Variants in HSCB observed in about 807,000 individuals in gnomAD.
The protein encoded by HSCB is iron-sulfur cluster co-chaperone protein HscB.
In HSCB, 23 loss-of-function variants were observed where a neutral mutation model predicts 31.3. The ratio of observed to expected loss-of-function variants is 0.74; its 90% CI spans 0.53 to 1.04. The LOEUF (loss-of-function observed/expected upper bound fraction) is 1.04, where lower values mean the gene tolerates loss of function less well. Ranked by LOEUF, HSCB falls within the 50% of genes least tolerant of loss-of-function variation. The probability of loss-of-function intolerance (pLI) is 0.00; values close to 1 mark genes in which losing one functional copy is unlikely to be tolerated. For synonymous variants in HSCB, 110 were observed against 104.5 expected, an observed-to-expected ratio of 1.05 and a Z score of -0.32; for missense variants, 297 against 288.1, an observed-to-expected ratio of 1.03 and a Z score of -0.22.
chr22:28,742,653 A>G, intron 1 of HSCB: 1 of 396,816 alleles, frequency 2.5e-6, no homozygotes, highest in Non-Finnish European at 4.6e-6. Context: ...AGGGAAGGAG[A>G]AGTCGAGGGG....
intron 3 of HSCB, 102 bp from the exon 4 acceptor site, chr22:28,745,762 G>C: frequency 1.0e-6 from 1 of 975,738 alleles, no homozygotes. Flanking sequence ...GACAGTTGCA[G>C]TTTTCTCTAT....
rs546651074 is a variant in HSCB at position 28,744,683 on chromosome 22, C to G, written c.402C>G (p.Pro134=). ...ATGCCTATAAGACCCTCCTGGCCCC[C>G]CTGAGCAGAGGACTGTACCTTGTAA... The part of the protein sequence containing the change: ...VNDAYKTLLA[P]LSRGLYLLKL... Residue 134 remains proline (P), a synonymous_variant, in exon 3 of 6, where the codon CCC becomes CCG. Transcript: ENST00000216027. The G allele has an allele frequency of 6.8e-6, 11 of 1,613,724 alleles. No homozygotes were observed. The highest frequency in any genetic ancestry group is 6.6e-5 in the South Asian group (6 of 91,076).
At position 28,742,319 on chromosome 22, in the gene HSCB, G is replaced by T; in HGVS notation, c.224G>T (p.Ser75Ile). The T allele has an allele frequency of 6.2e-7, 1 of 1,614,002 alleles. No homozygotes were observed. The highest frequency in any genetic ancestry group is 8.5e-7 in the Non-Finnish European group (1 of 1,179,968). Residue 75 changes from serine to isoleucine, a missense_variant, in exon 1 of 6, where the codon AGC becomes ATC. By Grantham distance (142) the Ser-to-Ile change is moderately radical. Transcript: ENST00000216027. Reference sequence around the variant, plus strand: ...CCTGACCCCACTCGAGACTACTTCAGCCTTATGGACTGGTACGAGCGACGG... The same window carrying T: ...CCTGACCCCACTCGAGACTACTTCATCCTTATGGACTGGTACGAGCGACGG... ...QAPDPTRDYF[S>I]LMDCNRSFRV...
In HSCB at chr22:28,744,664, A is replaced by G; in HGVS notation, c.383A>G (p.Tyr128Cys). Reference sequence around the variant, plus strand: ...CATTCGACCCTGGTGAATGATGCCTATAAGACCCTCCTGGCCCCCCTGAGC... The same window carrying G: ...CATTCGACCCTGGTGAATGATGCCTGTAAGACCCTCCTGGCCCCCCTGAGC... ...EKHSTLVNDA[Y>C]KTLLAPLSRG... Residue 128 changes from tyrosine to cysteine, a missense_variant, in exon 3 of 6, where the codon TAT becomes TGT. By Grantham distance (194) the Tyr-to-Cys change is radical (BLOSUM62 -2). Transcript: ENST00000216027. 6.2e-7 allele frequency: 1 copy of G among 1,614,132 alleles called. No homozygotes were observed. The highest frequency in any genetic ancestry group is 1.6e-4 in the Middle Eastern group (1 of 6,062).
chr22:28,742,355 C>T (rs746251541), intron 1 of HSCB, 24 bp downstream of exon 1: 1 of 1,605,344 alleles, frequency 6.2e-7, no homozygotes, highest in East Asian at 2.2e-5. Flanking sequence ...TTTCGGGAAA[C>T]GGGCCCGGGC....
At chr22:28,742,524 A>C (rs2054590151) in intron 1 of HSCB, 193 bp downstream of exon 1, 2 of 1,001,768 alleles carry the variant, frequency 2.0e-6, no homozygotes, top group Non-Finnish European at 2.8e-6. Flanking sequence ...TGAGGGAAGC[A>C]ACGTTGAGGT....
intron 5 of HSCB, among the ~76,000 whole-genome samples, chr22:28,755,086 G>A (rs74400435): frequency 7.1e-6 from 1 of 140,786 alleles, no homozygotes; most frequent in Non-Finnish European, 1.6e-5. Context: ...GAGCCACCGC[G>A]CCTGGCCCTA....
rs2030420774 is a variant in HSCB at position 28,753,804 on chromosome 22, C to T, written c.616+2516C>T. On this transcript the variant is annotated intron_variant, in intron 5 of 5. Coordinates refer to ENST00000216027, the MANE Select transcript of HSCB (RefSeq NM_172002.5). Reference sequence around the variant, plus strand: ...AGTGAGTGGAGACCACCTCACTGCACTTCGGCCTGGGTGACACAGGGAGAC... The same window carrying T: ...AGTGAGTGGAGACCACCTCACTGCATTTCGGCCTGGGTGACACAGGGAGAC... 2.7e-5 allele frequency among the ~76,000 whole-genome samples: 4 copies of T among 149,814 alleles called. No homozygotes were observed. In the Admixed American group the frequency reaches 2.7e-4, roughly 10 times the overall value.
chr22:28,743,810 A>G (rs2054636567), intron 1 of HSCB, 72 bp from the exon 2 acceptor site: 1 of 1,323,852 alleles, frequency 7.6e-7, no homozygotes, highest in African/African-American at 1.4e-5. Context: ...CCATAAGAGC[A>G]AGAACCAGGC....
chr22:28,747,339 T>C (rs1469939912), intron 4 of HSCB, among the ~76,000 whole-genome samples: 5 of 152,202 alleles, frequency 3.3e-5, no homozygotes, highest in Non-Finnish European at 4.4e-5. Flanking sequence ...TCTCACTCTG[T>C]CACCCAGGCT....
At chr22:28,750,109 C>T (rs1433411256) in intron 4 of HSCB, among the ~76,000 whole-genome samples, 2 of 151,804 alleles carry the variant, frequency 1.3e-5, no homozygotes, top group African/African-American at 4.8e-5. Flanking sequence ...ATTAGCCGGG[C>T]ATGGTGGCAC....
intron 1 of HSCB, 79 bp downstream of exon 1, chr22:28,742,410 T>C (rs1026834945): frequency 4.5e-5 from 70 of 1,554,372 alleles, no homozygotes; most frequent in South Asian, 1.8e-4. Context: ...AGGACGGATC[T>C]GGCTGGCGGA....
In HSCB at chr22:28,744,705, G is replaced by C; in HGVS notation, c.423+1G>C. On this transcript the variant is annotated splice_donor_variant, in intron 3 of 5. Coordinates refer to ENST00000216027, the MANE Select transcript of HSCB (RefSeq NM_172002.5). LOFTEE classifies it high-confidence loss of function. ...CCCCCTGAGCAGAGGACTGTACCTT[G>C]TAAGGTGATTTCCCAACACTTCTGT... 3.7e-6 allele frequency: 6 copies of C among 1,609,992 alleles called. No homozygotes were observed. Among genetic ancestry groups the C allele is most frequent in the Non-Finnish European group, 5.1e-6 (6 of 1,176,218 alleles).
chr22:28,748,355 C>G (rs550368742), intron 4 of HSCB, among the ~76,000 whole-genome samples: 2 of 152,308 alleles, frequency 1.3e-5, no homozygotes, highest in African/African-American at 4.8e-5. Context: ...ATCCACCCAT[C>G]TCTACTTTCA....
rs905524889 is a variant in HSCB at position 28,746,913 on chromosome 22, A to C, written c.568+905A>C. ...GACTCCGTCTCAAAAAAAAAAAAAA[A>C]ATCAGCCAAGCGTGGAGGTGCGCAC... On this transcript the variant is annotated intron_variant, in intron 4 of 5. Coordinates refer to ENST00000216027, the MANE Select transcript of HSCB (RefSeq NM_172002.5). Among the ~76,000 whole-genome samples, 4 of 151,922 alleles carry C rather than the reference A, an allele frequency of 2.6e-5. No homozygotes were observed. In the East Asian group the frequency reaches 7.7e-4, roughly 29 times the overall value.
intron 4 of HSCB, among the ~76,000 whole-genome samples, chr22:28,746,550 C>T (rs567929445): frequency 1.3e-5 from 2 of 151,618 alleles, no homozygotes; most frequent in South Asian, 2.1e-4. Flanking sequence ...TCCAGGAGTT[C>T]GAGACCAGCC....
chr22:28,757,188 T>G lies in HSCB; in HGVS notation c.*19T>G. Reference sequence around the variant, plus strand: ...CCTTTAATTGTGGATAGTTTAAAGTTTAAAAAATAAAGTTCTTGCTGGGCA... The same window carrying G: ...CCTTTAATTGTGGATAGTTTAAAGTGTAAAAAATAAAGTTCTTGCTGGGCA... On this transcript the variant is annotated 3_prime_UTR_variant, in exon 6 of 6. Coordinates refer to ENST00000216027, the MANE Select transcript of HSCB (RefSeq NM_172002.5). 4.4e-6 allele frequency: 6 copies of G among 1,353,536 alleles called. No individual in the cohort carries two copies. Among genetic ancestry groups the G allele is most frequent in the Non-Finnish European group, 6.3e-6 (6 of 947,534 alleles). The allele number at this position is 1,353,536 out of a possible 1,614,324, so 83.8% of individuals were successfully genotyped here.
chr22:28,752,876 C>T (rs778378513), intron 5 of HSCB, among the ~76,000 whole-genome samples: 12 of 151,632 alleles, frequency 7.9e-5, no homozygotes, highest in Non-Finnish European at 1.3e-4. Context: ...GTCAGGAGTT[C>T]GAGACCAGCC....
intron 4 of HSCB, among the ~76,000 whole-genome samples, chr22:28,746,233 T>G (rs1025925839): frequency 6.6e-6 from 1 of 151,382 alleles, no homozygotes; most frequent in Non-Finnish European, 1.5e-5. Flanking sequence ...ATACAAAAAT[T>G]AGCCGGGCGT....
Sources: gnomAD v4.1 joint callset for allele counts (sites outside exome capture counted in the v4.1 genomes callset) on GRCh38, gnomAD v4.1.1 for gene constraint, MANE v1.5 for transcripts, NCBI Gene and HGNC (gene_info 2026-07-23, HGNC 2026-07-21) for gene names.